The following TSHZ2 variants were observed in gnomAD, a reference collection of about 807,000 sequenced individuals.
TSHZ2 encodes the protein teashirt homolog 2.
TSHZ2 carries 21 observed loss-of-function variants against 74.4 expected under a neutral mutation model. The observed-to-expected ratio is 0.28, with a 90% confidence interval of 0.20 to 0.41. The LOEUF is 0.41. TSHZ2 is among the 10% of genes least tolerant of loss of function. The probability of loss-of-function intolerance (pLI) is 1.00; values close to 1 mark genes in which losing one functional copy is unlikely to be tolerated. For synonymous variants in TSHZ2, 540 were observed against 515.3 expected, an observed-to-expected ratio of 1.05 and a Z score of -0.65; for missense variants, 1,244 against 1,293.5, an observed-to-expected ratio of 0.96 and a Z score of 0.59.
At chr20:53,311,733 T>C (rs775475913) in intron 2 of TSHZ2, among the ~76,000 whole-genome samples, 5 of 152,210 alleles carry the variant, frequency 3.3e-5, no homozygotes, top group Non-Finnish European at 5.9e-5. Flanking sequence ...ACTGTGCCCA[T>C]CTTCATGAGG....
intron 1 of TSHZ2, among the ~76,000 whole-genome samples, chr20:53,105,861 G>A (rs1986348280): frequency 6.6e-6 from 1 of 151,998 alleles, no homozygotes; most frequent in African/African-American, 2.4e-5. Flanking sequence ...TGCACGGGCT[G>A]GTCTCGAACG....
intron 1 of TSHZ2, among the ~76,000 whole-genome samples, chr20:53,092,715 A>G (rs760020139): frequency 1.3e-5 from 2 of 152,244 alleles, no homozygotes; most frequent in Non-Finnish European, 2.9e-5. Context: ...TCTAAGAAGC[A>G]GTTGTAAAAA....
intron 1 of TSHZ2, among the ~76,000 whole-genome samples, chr20:53,174,381 T>C (rs1268435829): frequency 6.6e-6 from 1 of 152,178 alleles, no homozygotes; most frequent in Non-Finnish European, 1.5e-5. Flanking sequence ...AGTTGAGACC[T>C]GGGGACTCAA....
chr20:53,466,214 C>T (rs1985556051), intron 2 of TSHZ2, among the ~76,000 whole-genome samples: 2 of 149,340 alleles, frequency 1.3e-5, no homozygotes, highest in South Asian at 2.1e-4. Context: ...TGCTGTTGCA[C>T]TCTAGACTGG....
At chr20:53,294,948 G>T (rs6097340) in intron 2 of TSHZ2, among the ~76,000 whole-genome samples, 1 of 152,164 alleles carries the variant, frequency 6.6e-6, no homozygotes, top group Non-Finnish European at 1.5e-5. Flanking sequence ...GCTGCTGGAG[G>T]CTCCAGTGGA....
chr20:53,399,245 A>C (rs2145675148), intron 2 of TSHZ2: 1 of 152,316 alleles, frequency 6.6e-6, no homozygotes, highest in Middle Eastern at 3.4e-3. Context: ...ATGGAAATAA[A>C]GGACGAGTCT....
chr20:53,472,313 G>A (rs536238506), intron 2 of TSHZ2, among the ~76,000 whole-genome samples: 19 of 152,200 alleles, frequency 1.2e-4, no homozygotes, highest in Non-Finnish European at 2.1e-4. Context: ...AATACAGTTC[G>A]GGAGGATTTC....
intron 2 of TSHZ2, among the ~76,000 whole-genome samples, chr20:53,385,972 G>T (rs538185235): frequency 2.7e-4 from 41 of 152,290 alleles, no homozygotes; most frequent in African/African-American, 9.6e-4. Context: ...GAGGGTGTTA[G>T]ACCCATAGTC....
intron 1 of TSHZ2, among the ~76,000 whole-genome samples, chr20:53,046,983 C>G (rs1382615938): frequency 6.6e-6 from 1 of 152,208 alleles, no homozygotes; most frequent in Middle Eastern, 3.4e-3. Flanking sequence ...CAAGGCTATT[C>G]ATGTTTGAAT....
At chr20:53,143,232 G>A (rs1304551389) in intron 1 of TSHZ2, among the ~76,000 whole-genome samples, 2 of 152,084 alleles carry the variant, frequency 1.3e-5, no homozygotes, top group African/African-American at 4.8e-5. Context: ...TCACTCCTTT[G>A]CCCCAGAAAA....
At chr20:53,225,012 T>C (rs950291021) in intron 1 of TSHZ2, among the ~76,000 whole-genome samples, 2 of 152,226 alleles carry the variant, frequency 1.3e-5, no homozygotes, top group African/African-American at 4.8e-5. Context: ...TATTTTTGTC[T>C]TTGCAAGCAG....
At chr20:53,384,753 A>G (rs1184372966) in intron 2 of TSHZ2, among the ~76,000 whole-genome samples, 1 of 152,252 alleles carries the variant, frequency 6.6e-6, no homozygotes, top group Non-Finnish European at 1.5e-5. Flanking sequence ...TAGTATCCTC[A>G]GTGGTTTTTT....
chr20:53,463,429 AG>A (rs1568929569), intron 2 of TSHZ2, among the ~76,000 whole-genome samples: 1,239 of 115,152 alleles, frequency 0.011, 39 homozygotes, highest in African/African-American at 0.02. Context: ...GAAGGAAGGA[AG>A]GAAGGAGGGA....
chr20:53,342,460 G>A (rs1225371843), intron 2 of TSHZ2, among the ~76,000 whole-genome samples: 1 of 152,152 alleles, frequency 6.6e-6, no homozygotes, highest in East Asian at 1.9e-4. Flanking sequence ...GGTATAACCA[G>A]TAAAGGGTTG....
intron 2 of TSHZ2, among the ~76,000 whole-genome samples, chr20:53,338,291 A>G (rs1568874568): frequency 6.6e-6 from 1 of 152,186 alleles, no homozygotes; most frequent in Non-Finnish European, 1.5e-5. Context: ...ACCCTGCCAA[A>G]CCATCATGCT....
intron 1 of TSHZ2, among the ~76,000 whole-genome samples, chr20:53,033,651 CTT>C (rs61445726): frequency 8.5e-5 from 5 of 59,018 alleles, no homozygotes; most frequent in South Asian, 1.5e-3. Context: ...TGATAAAAAG[CTT>C]TTTTTTTTTT....
chr20:53,196,698 T>C (rs1262748197), intron 1 of TSHZ2, among the ~76,000 whole-genome samples: 3 of 152,178 alleles, frequency 2.0e-5, no homozygotes, highest in African/African-American at 7.2e-5. Flanking sequence ...ATATATACGA[T>C]CTTATTCACA....
At chr20:53,105,266 G>A (rs1986328824) in intron 1 of TSHZ2, among the ~76,000 whole-genome samples, 1 of 152,154 alleles carries the variant, frequency 6.6e-6, no homozygotes, top group Admixed American at 6.5e-5. Context: ...AATCTTTAAA[G>A]CAAGATTTCT....
intron 1 of TSHZ2, among the ~76,000 whole-genome samples, chr20:53,125,835 T>C (rs570143655): frequency 5.4e-4 from 83 of 152,318 alleles, no homozygotes; most frequent in Admixed American, 8.5e-4. Context: ...TACAACAATT[T>C]TGAAATAGAA....
Sources: gnomAD v4.1 joint callset for allele counts (sites outside exome capture counted in the v4.1 genomes callset) on GRCh38, gnomAD v4.1.1 for gene constraint, MANE v1.5 for transcripts, NCBI Gene and HGNC (gene_info 2026-07-23, HGNC 2026-07-21) for gene names.